IQGAP3: variants seen among roughly 807,000 people sequenced by gnomAD.
IQGAP3 encodes the protein ras GTPase-activating-like protein IQGAP3.
In IQGAP3, 165 loss-of-function variants were observed where a neutral mutation model predicts 208.2. That is an observed-to-expected ratio of 0.79 (90% confidence interval 0.70 to 0.90). The LOEUF (loss-of-function observed/expected upper bound fraction) is 0.90, where lower values mean the gene tolerates loss of function less well. IQGAP3 is among the 40% of genes least tolerant of loss of function. The probability of loss-of-function intolerance (pLI) is 0.00; values close to 1 mark genes in which losing one functional copy is unlikely to be tolerated. For synonymous variants in IQGAP3, 703 were observed against 803.6 expected (o/e 0.87, Z 2.12); for missense variants, 1,811 against 2,043.1 (o/e 0.89, Z 2.19).
chr1:156,546,396 A>G (rs112339600), intron 19 of IQGAP3, among the ~76,000 whole-genome samples: 2,685 of 152,258 alleles, frequency 0.018, 68 homozygotes, highest in African/African-American at 0.062. Context: ...TACTAGTGAC[A>G]AATGTTCCCT....
intron 16 of IQGAP3, among the ~76,000 whole-genome samples, chr1:156,549,647 G>A (rs1237171677): frequency 4.6e-5 from 7 of 151,970 alleles, no homozygotes; most frequent in Non-Finnish European, 5.9e-5. Context: ...TAAAAAAGAA[G>A]CACTTTATGC....
intron 27 of IQGAP3, among the ~76,000 whole-genome samples, chr1:156,535,869 T>C (rs1043626630): frequency 6.6e-6 from 1 of 152,230 alleles, no homozygotes; most frequent in African/African-American, 2.4e-5. Flanking sequence ...GGAATGATCA[T>C]TCTTGCCTTC....
rs1674564380 is a variant in IQGAP3 at position 156,534,099 on chromosome 1, C to G, written c.3783G>C (p.Glu1261Asp). ...CTGAGTACTCGTCCACTGCAAAACG[C>G]TCCTCTGGCTCTGGCACCTGGCAGG... Reference protein sequence around the residue: ...HRACQVPEPEERFAVDEYSDM... With the variant: ...HRACQVPEPEDRFAVDEYSDM... Residue 1261 changes from glutamate to aspartate, a missense_variant, in exon 30 of 38, where the codon GAG becomes GAC. By Grantham distance (45) the Glu-to-Asp change is conservative (BLOSUM62 2). Transcript: ENST00000361170. 1 of 1,614,074 alleles carries G rather than the reference C, an allele frequency of 6.2e-7. No homozygotes were observed. The highest frequency in any genetic ancestry group is 8.5e-7 in the Non-Finnish European group (1 of 1,180,032).
chr1:156,563,069 G>A (rs1456458617), intron 8 of IQGAP3, 65 bp downstream of exon 8: 57 of 1,382,206 alleles, frequency 4.1e-5, no homozygotes, highest in East Asian at 9.5e-5. Flanking sequence ...TAGGAGTCCC[G>A]GTTTCACTTG....
chr1:156,533,777 A>G lies in IQGAP3; in HGVS notation c.3972T>C (p.Leu1324=), dbSNP rs1674541005. The change falls in exon 31 of 38, where the codon CTT becomes CTC. Residue 1324 remains leucine, a synonymous_variant. Coordinates refer to ENST00000361170, the MANE Select transcript of IQGAP3 (RefSeq NM_178229.5). ...GCTGCTAAGGAGGGCACGTACCAAT[A>G]AGGTCAGGGATGGTGGGCAGCTCCC... ...DLGELPTIPD[L]IGESIAADGH... is the part of the protein sequence containing the mutation. 1 of 1,612,868 alleles carries G rather than the reference A, an allele frequency of 6.2e-7. No homozygotes were observed. Among genetic ancestry groups the G allele is most frequent in the Non-Finnish European group, 8.5e-7 (1 of 1,179,518 alleles).
At position 156,552,051 on chromosome 1, in the gene IQGAP3, C is replaced by A; in HGVS notation, c.1493G>T (p.Gly498Val). The A allele has an allele frequency of 1.2e-6, 2 of 1,614,212 alleles. No individual in the cohort carries two copies. The highest frequency in any genetic ancestry group is 2.2e-5 in the South Asian group (2 of 91,078). ...GTCATTCCAGCTCAGGAAGTCCTCACCCATCCCACGCTCCTGTCGCAATTT... is the reference window on the plus strand; with the variant it reads ...GTCATTCCAGCTCAGGAAGTCCTCAACCATCCCACGCTCCTGTCGCAATTT... Reference protein sequence around the residue: ...LLKLRQERGMGEDFLSWNDLQ... With the variant: ...LLKLRQERGMVEDFLSWNDLQ... The change falls in exon 14 of 38, where the codon GGT becomes GTT. Residue 498 changes from glycine (G) to valine (V), a missense_variant. Coordinates refer to ENST00000361170, the MANE Select transcript of IQGAP3 (RefSeq NM_178229.5).
Position 156,548,062 on chromosome 1 carries a change from GA to G in IQGAP3, c.2304+10del, listed in dbSNP as rs1414307432. ...CAGGCCCTGAAGACTGAGAAAGCCAGAGCCTGCCACCTGGATCTTGATGACT... is the reference window on the plus strand; with the variant it reads ...CAGGCCCTGAAGACTGAGAAAGCCAGGCCTGCCACCTGGATCTTGATGACT... On this transcript the variant is annotated intron_variant, in intron 19 of 37. Transcript: ENST00000361170. 7.5e-6 allele frequency: 12 copies of G among 1,610,728 alleles called. No homozygotes were observed. The highest frequency in any genetic ancestry group is 1.7e-5 in the Admixed American group (1 of 59,582).
chr1:156,527,897 G>T, intron 37 of IQGAP3, 55 bp downstream of exon 37: 3 of 1,251,946 alleles, frequency 2.4e-6, no homozygotes, highest in South Asian at 1.2e-5. Context: ...CTCTCTTCAG[G>T]CCAGCACCTA....
At position 156,539,540 on chromosome 1, in the gene IQGAP3, G is replaced by C. The variant is rs1483686673; in HGVS notation, c.2893-3C>G. 1 of 1,613,994 alleles carries C rather than the reference G, an allele frequency of 6.2e-7. No individual in the cohort carries two copies. The highest frequency in any genetic ancestry group is 2.2e-5 in the East Asian group (1 of 44,896). On this transcript the variant is annotated splice_polypyrimidine_tract_variant and splice_region_variant and intron_variant, in intron 24 of 37. Coordinates refer to ENST00000361170, the MANE Select transcript of IQGAP3 (RefSeq NM_178229.5). ...TTGGCCAGGTAGATGGGCTGAGTCT[G>C]CAAGCAAGAGGGGAGACAGGAATGG... is the stretch of plus-strand genomic sequence containing the variant.
At chr1:156,530,536 A>T (rs1415237841) in intron 33 of IQGAP3, among the ~76,000 whole-genome samples, 2 of 152,132 alleles carry the variant, frequency 1.3e-5, no homozygotes, top group Non-Finnish European at 2.9e-5. Flanking sequence ...ATGGTGTCAC[A>T]CATGGGAGGG....
In IQGAP3 at chr1:156,548,465, T is replaced by G; in HGVS notation, c.2016A>C (p.Gln672His). Reference protein sequence around the residue: ...QRPADTAFWVQHDMKDGTAYY... With the variant: ...QRPADTAFWVHHDMKDGTAYY... ...AGGCAGTGCCATCCTTCATGTCATG[T>G]TGAACCCAGAAAGCTGTGTCTGCTA... The change falls in exon 18 of 38, where the codon CAA (glutamine) becomes CAC (histidine). Residue 672 changes from glutamine (Q) to histidine (H), a missense_variant. By Grantham distance (24) the Gln-to-His change is conservative (BLOSUM62 0). Coordinates refer to ENST00000361170, the MANE Select transcript of IQGAP3 (RefSeq NM_178229.5). 1 of 1,613,838 alleles carries G rather than the reference T, an allele frequency of 6.2e-7. No individual in the cohort carries two copies. Among genetic ancestry groups the G allele is most frequent in the Non-Finnish European group, 8.5e-7 (1 of 1,179,930 alleles).
At position 156,544,392 on chromosome 1, in the gene IQGAP3, G is replaced by C; in HGVS notation, c.2385C>G (p.Ile795Met). The change falls in exon 20 of 38, where the codon ATC becomes ATG. Residue 795 changes from isoleucine to methionine, a missense_variant. Transcript: ENST00000361170. ...CTGCCAAAACCACCGTAGCTACCTT[G>C]ATTATGGCATCCAGGTTTGCTTTAA... is the stretch of plus-strand genomic sequence containing the variant. ...QYFKANLDAI[I>M]KIQAWARMWA... 6.2e-7 allele frequency: 1 copy of C among 1,612,968 alleles called. No homozygotes were observed. The highest frequency in any genetic ancestry group is 8.5e-7 in the Non-Finnish European group (1 of 1,178,942).
rs570977840 is a variant in IQGAP3 at position 156,556,664 on chromosome 1, C to T, written c.1159G>A (p.Ala387Thr). The change falls in exon 12 of 38, where the codon GCC (alanine) becomes ACC (threonine). Residue 387 changes from alanine (A) to threonine (T), a missense_variant. Ala to Thr is a moderately conservative substitution (Grantham distance 58). Coordinates refer to ENST00000361170, the MANE Select transcript of IQGAP3 (RefSeq NM_178229.5). ...MLHAVQRINK[A>T]IRRRVAADTV... The stretch of plus-strand genomic sequence containing the variant: ...TCAGCCGCCACTCTCCTCCGGATGG[C>T]TTTGTTGATCCGCTGCACAGCGTGG... 3.2e-5 allele frequency: 52 copies of T among 1,601,736 alleles called. No individual in the cohort carries two copies. Among genetic ancestry groups the T allele is most frequent in the Non-Finnish European group, 1.7e-6 (2 of 1,172,372 alleles).
At chr1:156,571,704 T>C (rs1025411734) in intron 1 of IQGAP3, among the ~76,000 whole-genome samples, 3 of 152,282 alleles carry the variant, frequency 2.0e-5, no homozygotes, top group Admixed American at 1.3e-4. Flanking sequence ...ACAGTTTTCC[T>C]GTCCTTCTCA....
intron 16 of IQGAP3, 133 bp from the exon 17 acceptor site, chr1:156,548,881 TC>T: frequency 2.4e-6 from 2 of 848,474 alleles, no homozygotes; most frequent in South Asian, 2.7e-5. Flanking sequence ...GACGGGAACA[TC>T]CCAGGATGGA....
rs1346548392 is a variant in IQGAP3, at chr1:156,563,307, C to T, written c.625G>A (p.Ala209Thr). 10 of 1,597,660 alleles carry T rather than the reference C, an allele frequency of 6.3e-6. No individual in the cohort carries two copies. Among genetic ancestry groups the T allele is most frequent in the Non-Finnish European group, 8.6e-6 (10 of 1,168,954 alleles). ...ELSVDEAAVH[A>T]AVLAINEAVE... ...GCTTCATTGATGGCAAGAACAGCTG[C>T]ATGGACTGGGAGAGGGCATGGAAAC... The change falls in exon 8 of 38, where the codon GCA becomes ACA. Residue 209 changes from alanine (A) to threonine (T), a missense_variant. Ala to Thr is a moderately conservative substitution (Grantham distance 58). Transcript: ENST00000361170.
chr1:156,559,184 A>G (rs1676036410), intron 11 of IQGAP3, among the ~76,000 whole-genome samples: 2 of 152,194 alleles, frequency 1.3e-5, no homozygotes, highest in African/African-American at 4.8e-5. Context: ...AGTGGCTGTC[A>G]TAGCAGAGGG....
chr1:156,535,311 G>C (rs1674641665), intron 27 of IQGAP3, 64 bp from the exon 28 acceptor site: 8 of 1,139,646 alleles, frequency 7.0e-6, no homozygotes, highest in East Asian at 2.4e-5. Context: ...CCAGAGATAA[G>C]AGCTTGAGTG....
intron 10 of IQGAP3, among the ~76,000 whole-genome samples, chr1:156,561,529 C>T (rs924954786): frequency 4.6e-5 from 7 of 152,178 alleles, no homozygotes; most frequent in South Asian, 2.1e-4. Flanking sequence ...ATAGACAACA[C>T]GAATGTGTCA....
Sources: gnomAD v4.1 joint callset for allele counts (sites outside exome capture counted in the v4.1 genomes callset) on GRCh38, gnomAD v4.1.1 for gene constraint, MANE v1.5 for transcripts, NCBI Gene and HGNC (gene_info 2026-07-23, HGNC 2026-07-21) for gene names.